The following NUP93 variants were observed in gnomAD, a reference collection of about 807,000 sequenced individuals.
The protein encoded by NUP93 is nucleoporin 93, also known as nuclear pore complex protein Nup93.
A neutral mutation model predicts 107.8 loss-of-function variants in NUP93; 55 were observed. The observed-to-expected ratio is 0.51, with a 90% CI of 0.41 to 0.64. The LOEUF is 0.64. NUP93 is among the 30% of genes least tolerant of loss of function. The pLI, the probability that NUP93 is intolerant of heterozygous loss-of-function variation, is 0.00. For synonymous variants in NUP93, 390 were observed against 397.5 expected (o/e 0.98, Z 0.22); for missense variants, 937 against 1,044.7 (o/e 0.90, Z 1.42).
intron 3 of NUP93, among the ~76,000 whole-genome samples, chr16:56,763,168 A>G (rs1378242379): frequency 2.0e-5 from 3 of 152,186 alleles, no homozygotes; most frequent in Non-Finnish European, 2.9e-5. Context: ...TTTCATATCC[A>G]TGGGCAGTAT....
intron 2 of NUP93, among the ~76,000 whole-genome samples, chr16:56,752,926 A>G (rs768437653): frequency 1.3e-5 from 2 of 152,232 alleles, no homozygotes; most frequent in African/African-American, 2.4e-5. Flanking sequence ...TCAACAAATG[A>G]TGCTAGGACA....
Position 56,838,973 on chromosome 16 carries a change from C to G in NUP93, c.2040C>G (p.Ser680Arg), listed in dbSNP as rs749091202. Residue 680 changes from serine to arginine, a missense_variant, in exon 19 of 22, where the codon AGC (serine) becomes AGG (arginine). Ser to Arg is a moderately radical substitution (Grantham distance 110). Transcript: ENST00000308159. The part of the protein sequence containing the change: ...IAERYRAQGI[S>R]ANKFVDSTFY... ...TCAGGTATAGGGCTCAAGGAATAAG[C>G]GCAAATAAATTTGTGGACTCCACGT... is the stretch of plus-strand genomic sequence containing the variant. The G allele has an allele frequency of 2.2e-5, 36 of 1,613,760 alleles. No homozygotes were observed. Among genetic ancestry groups the G allele is most frequent in the Non-Finnish European group, 2.9e-5 (34 of 1,179,876 alleles).
At chr16:56,841,987 A>G (rs1324958683) in intron 21 of NUP93, among the ~76,000 whole-genome samples, 154 bp downstream of exon 21, 3 of 152,200 alleles carry the variant, frequency 2.0e-5, no homozygotes, top group Non-Finnish European at 2.9e-5. Context: ...TCCCAGAGGA[A>G]ATCAAATATT....
At chr16:56,744,632 T>C (rs1391699931) in intron 1 of NUP93, among the ~76,000 whole-genome samples, 4 of 152,254 alleles carry the variant, frequency 2.6e-5, no homozygotes, top group Non-Finnish European at 5.9e-5. Flanking sequence ...ATTTTCTTTT[T>C]ACTTCTACCC....
chr16:56,818,050 G>A (rs1160614963), intron 5 of NUP93, among the ~76,000 whole-genome samples: 1 of 152,154 alleles, frequency 6.6e-6, no homozygotes, highest in East Asian at 1.9e-4. Flanking sequence ...TCGCAGGCTG[G>A]GTTGTTTTTG....
intron 3 of NUP93, among the ~76,000 whole-genome samples, chr16:56,788,730 C>A (rs76152612): frequency 0.012 from 1,870 of 152,286 alleles, 62 homozygotes; most frequent in Admixed American, 0.073. Flanking sequence ...GGCCTTCCTC[C>A]CCAAGTGCAG....
intron 2 of NUP93, among the ~76,000 whole-genome samples, chr16:56,753,973 AT>A (rs568049501): frequency 0.01 from 1,515 of 146,170 alleles, 19 homozygotes; most frequent in African/African-American, 0.03. Context: ...TACTATTTTA[AT>A]TTTTTTTTTT....
At chr16:56,842,540 G>A (rs1222460235) in intron 21 of NUP93, 8 of 436,452 alleles carry the variant, frequency 1.8e-5, no homozygotes, top group African/African-American at 1.8e-4. Flanking sequence ...TAAGGGGACA[G>A]TCCAATGGTG....
chr16:56,785,926 GCTTT>G (rs1315261915), intron 3 of NUP93, among the ~76,000 whole-genome samples: 2 of 152,138 alleles, frequency 1.3e-5, no homozygotes, highest in African/African-American at 2.4e-5. Flanking sequence ...CTTGCCTTAT[GCTTT>G]CTTTTTCTTT....
intron 1 of NUP93, among the ~76,000 whole-genome samples, chr16:56,735,148 G>A (rs1364015794): frequency 6.6e-6 from 1 of 152,222 alleles, no homozygotes; most frequent in Admixed American, 6.5e-5. Context: ...AATGTGTATT[G>A]AGGAAGACCA....
intron 3 of NUP93, among the ~76,000 whole-genome samples, chr16:56,787,067 T>C (rs1962643363): frequency 6.6e-6 from 1 of 152,226 alleles, no homozygotes; most frequent in South Asian, 2.1e-4. Context: ...CCAAACTTAA[T>C]TAAGGTTTTA....
At chr16:56,736,912 T>TGAAAAGTA (rs1961623882) in intron 1 of NUP93, among the ~76,000 whole-genome samples, 1 of 152,224 alleles carries the variant, frequency 6.6e-6, no homozygotes, top group Non-Finnish European at 1.5e-5. Context: ...GGGAATCAAA[T>TGAAAAGTA]GAAAAGTAGA....
intron 3 of NUP93, among the ~76,000 whole-genome samples, chr16:56,786,274 A>G (rs1962625751): frequency 6.6e-6 from 1 of 152,334 alleles, no homozygotes; most frequent in Admixed American, 6.5e-5. Flanking sequence ...CTTAGGGTTT[A>G]GTGCAATCAG....
intron 8 of NUP93, among the ~76,000 whole-genome samples, chr16:56,824,585 G>A (rs1051879552): frequency 1.3e-5 from 2 of 152,218 alleles, no homozygotes; most frequent in East Asian, 3.8e-4. Context: ...AGAAAGCCAA[G>A]TTGAATACAC....
chr16:56,783,022 G>A (rs927844623), intron 3 of NUP93, among the ~76,000 whole-genome samples: 7 of 152,142 alleles, frequency 4.6e-5, no homozygotes, highest in African/African-American at 1.7e-4. Flanking sequence ...TATCTGGAGG[G>A]TGATAGAATT....
At chr16:56,802,486 A>C (rs1241504166) in intron 4 of NUP93, among the ~76,000 whole-genome samples, 1 of 152,180 alleles carries the variant, frequency 6.6e-6, no homozygotes, top group East Asian at 1.9e-4. Context: ...AAACAGTTGG[A>C]AGACTGTTTT....
At chr16:56,799,876 T>C (rs989766222) in intron 4 of NUP93, among the ~76,000 whole-genome samples, 2 of 152,172 alleles carry the variant, frequency 1.3e-5, no homozygotes, top group Non-Finnish European at 2.9e-5. Context: ...ATGACTGATA[T>C]GTTTAGTTAT....
intron 5 of NUP93, among the ~76,000 whole-genome samples, chr16:56,807,760 C>A (rs1247081649): frequency 3.3e-5 from 5 of 151,850 alleles, no homozygotes; most frequent in African/African-American, 9.7e-5. Flanking sequence ...CGGTGGTTCA[C>A]GCCTATAATC....
chr16:56,780,944 T>C (rs1437603619), intron 3 of NUP93, among the ~76,000 whole-genome samples: 1 of 152,188 alleles, frequency 6.6e-6, no homozygotes, highest in Non-Finnish European at 1.5e-5. Flanking sequence ...TGTCTTTGCT[T>C]TTTCACAAGC....
Sources: gnomAD v4.1 joint callset for allele counts (sites outside exome capture counted in the v4.1 genomes callset) on GRCh38, gnomAD v4.1.1 for gene constraint, MANE v1.5 for transcripts, NCBI Gene and HGNC (gene_info 2026-07-23, HGNC 2026-07-21) for gene names.